The following ATP9A variants were observed in gnomAD, a reference collection of about 807,000 sequenced individuals.
The protein encoded by ATP9A is ATPase phospholipid transporting 9A.
ATP9A carries 52 observed loss-of-function variants against 144.1 expected under a neutral mutation model. That is an observed-to-expected ratio of 0.36 (90% CI 0.29 to 0.45). The LOEUF (loss-of-function observed/expected upper bound fraction) is 0.45. Among genes scored for constraint, ATP9A ranks in the 20% least tolerant of loss-of-function variants. The probability of loss-of-function intolerance (pLI) is 1.00; values close to 1 mark genes in which losing one functional copy is unlikely to be tolerated. For synonymous variants in ATP9A, 582 were observed against 557.4 expected (o/e 1.04, Z -0.62); for missense variants, 947 against 1,392.7 (o/e 0.68, Z 5.09).
At chr20:51,744,076 A>G (rs1278397414) in intron 1 of ATP9A, among the ~76,000 whole-genome samples, 1 of 152,166 alleles carries the variant, frequency 6.6e-6, no homozygotes, top group Non-Finnish European at 1.5e-5. Flanking sequence ...CATTGATAAC[A>G]GCCATTCAAC....
chr20:51,755,933 C>T (rs1232749580), intron 1 of ATP9A, among the ~76,000 whole-genome samples: 7 of 150,706 alleles, frequency 4.6e-5, no homozygotes, highest in Non-Finnish European at 8.8e-5. Flanking sequence ...CCAGCCTGGG[C>T]GACAGAGCGA....
intron 3 of ATP9A, among the ~76,000 whole-genome samples, chr20:51,713,358 G>A (rs1258171008): frequency 2.0e-5 from 3 of 152,086 alleles, no homozygotes; most frequent in Admixed American, 6.6e-5. Context: ...TCAGGGTGAG[G>A]GTGACACACA....
At chr20:51,713,472 A>G (rs1423130211) in intron 3 of ATP9A, among the ~76,000 whole-genome samples, 2 of 152,322 alleles carry the variant, frequency 1.3e-5, no homozygotes, top group African/African-American at 2.4e-5. Context: ...CTTCATCCTC[A>G]TAACAACCCT....
intron 4 of ATP9A, among the ~76,000 whole-genome samples, chr20:51,707,553 T>C (rs2077619897): frequency 6.6e-6 from 1 of 152,150 alleles, no homozygotes; most frequent in Non-Finnish European, 1.5e-5. Flanking sequence ...TGTAGATTCA[T>C]TTACTGAGAA....
At chr20:51,668,188 A>AAAC (rs59246876) in intron 13 of ATP9A, among the ~76,000 whole-genome samples, 50,462 of 122,446 alleles carry the variant, frequency 0.41, 12,674 homozygotes, top group East Asian at 0.77. Context: ...AAAAAAAAAA[A>AAAC]AAAGGCCGAA....
At chr20:51,694,648 C>T (rs1456354948) in intron 6 of ATP9A, among the ~76,000 whole-genome samples, 2 of 152,184 alleles carry the variant, frequency 1.3e-5, no homozygotes, top group African/African-American at 4.8e-5. Context: ...AGAGCTGATT[C>T]GTGCGCAGAG....
At chr20:51,634,125 T>A in intron 15 of ATP9A, among the ~76,000 whole-genome samples, 1 of 151,930 alleles carries the variant, frequency 6.6e-6, no homozygotes, top group Non-Finnish European at 1.5e-5. Context: ...ACGAGCCACA[T>A]CTCAAAAAAA....
chr20:51,697,317 T>C, intron 5 of ATP9A, 107 bp downstream of exon 5: 3 of 1,086,812 alleles, frequency 2.8e-6, no homozygotes, highest in East Asian at 2.5e-5. Flanking sequence ...GCAAAGTTTT[T>C]GGATAGAATC....
chr20:51,607,034 T>A (rs2077166364), intron 26 of ATP9A, among the ~76,000 whole-genome samples: 4 of 151,112 alleles, frequency 2.6e-5, no homozygotes, highest in Admixed American at 2.6e-4. Context: ...AATATATAAA[T>A]AAATAAATAT....
chr20:51,727,117 C>A (rs187949853), intron 2 of ATP9A, among the ~76,000 whole-genome samples: 1,723 of 150,818 alleles, frequency 0.011, 48 homozygotes, highest in African/African-American at 0.04. Context: ...CAAGGTGAAA[C>A]CCCGTCTCTA....
intron 4 of ATP9A, among the ~76,000 whole-genome samples, chr20:51,709,476 T>C (rs371990299): frequency 5.6e-4 from 85 of 152,138 alleles, no homozygotes; most frequent in African/African-American, 1.8e-3. Context: ...GATCGCGCCA[T>C]TGCATTCCAG....
chr20:51,753,059 G>A (rs554818661), intron 1 of ATP9A, among the ~76,000 whole-genome samples: 21 of 151,426 alleles, frequency 1.4e-4, no homozygotes, highest in Non-Finnish European at 2.1e-4. Flanking sequence ...CCAGGATGGC[G>A]CCATTGCACT....
At chr20:51,625,057 T>C in intron 18 of ATP9A, 135 bp downstream of exon 18, 2 of 680,610 alleles carry the variant, frequency 2.9e-6, no homozygotes, top group Non-Finnish European at 4.6e-6. Flanking sequence ...ACAGTGCCTG[T>C]GGCCCATTGC....
intron 9 of ATP9A, among the ~76,000 whole-genome samples, chr20:51,682,250 G>T (rs1041287120): frequency 4.5e-4 from 69 of 151,990 alleles, no homozygotes; most frequent in African/African-American, 1.6e-3. Flanking sequence ...AAATAAAGTT[G>T]GAAAGAAAAA....
Position 51,629,080 on chromosome 20 carries a change from G to A in ATP9A, c.1669-8C>T, listed in dbSNP as rs1441427614. 2 of 1,608,092 alleles carry A rather than the reference G, an allele frequency of 1.2e-6. No homozygotes were observed. The highest frequency in any genetic ancestry group is 1.7e-5 in the Admixed American group (1 of 59,984). On this transcript the variant is annotated splice_region_variant and splice_polypyrimidine_tract_variant and intron_variant, in intron 15 of 27. Coordinates refer to ENST00000338821, the MANE Select transcript of ATP9A (RefSeq NM_006045.3). ...TTCTCCAGTTGATTCATCCTAGAGAGGGAGGCCGGAAGGAATGAGAAACTG... is the reference window on the plus strand; with the variant it reads ...TTCTCCAGTTGATTCATCCTAGAGAAGGAGGCCGGAAGGAATGAGAAACTG...
chr20:51,633,510 T>C (rs1287781534), intron 15 of ATP9A, among the ~76,000 whole-genome samples: 1 of 152,084 alleles, frequency 6.6e-6, no homozygotes, highest in Non-Finnish European at 1.5e-5. Context: ...CTTAGGGAGG[T>C]TGAAGCGGGA....
chr20:51,748,346 G>GA (rs2077816944), intron 1 of ATP9A, among the ~76,000 whole-genome samples: 1 of 152,166 alleles, frequency 6.6e-6, no homozygotes. Flanking sequence ...AAAGAAAGAA[G>GA]AGAGGAGGGA....
chr20:51,667,454 GC>G (rs368916747), intron 13 of ATP9A, among the ~76,000 whole-genome samples: 1 of 152,124 alleles, frequency 6.6e-6, no homozygotes, highest in Non-Finnish European at 1.5e-5. Context: ...CAATCAATGA[GC>G]CCCCCAAGAA....
chr20:51,763,363 A>T (rs1326053597), intron 1 of ATP9A, among the ~76,000 whole-genome samples: 1 of 149,232 alleles, frequency 6.7e-6, no homozygotes, highest in Non-Finnish European at 1.5e-5. Context: ...CCCAGGCTAC[A>T]GTGCAGTGGC....
Sources: gnomAD v4.1 joint callset for allele counts (sites outside exome capture counted in the v4.1 genomes callset) on GRCh38, gnomAD v4.1.1 for gene constraint, MANE v1.5 for transcripts, NCBI Gene and HGNC (gene_info 2026-07-23, HGNC 2026-07-21) for gene names.